The following KCNA2 variants were observed in gnomAD, a reference collection of about 807,000 sequenced individuals.
KCNA2 encodes the protein potassium voltage-gated channel subfamily A member 2.
A neutral mutation model predicts 33.4 loss-of-function variants in KCNA2; 11 were observed. That is an observed-to-expected ratio of 0.33 (90% CI 0.21 to 0.55). The LOEUF (loss-of-function observed/expected upper bound fraction) is 0.55, where lower values mean the gene tolerates loss of function less well. KCNA2 is among the 20% of genes least tolerant of loss of function. KCNA2 has a pLI of 0.93. For synonymous variants in KCNA2, 222 were observed against 231.3 expected (o/e 0.96, Z 0.37); for missense variants, 291 against 621.6 (o/e 0.47, Z 5.66).
At position 110,598,012 on chromosome 1, in the gene KCNA2, A is replaced by G. The variant is rs1275090601; in HGVS notation, c.*5271T>C. 1 of 985,262 alleles carries G rather than the reference A, an allele frequency of 1.0e-6. No individual in the cohort carries two copies. Among genetic ancestry groups the G allele is most frequent in the Admixed American group, 6.1e-5 (1 of 16,264 alleles). 61.0% of individuals were successfully genotyped at this position (985,262 alleles called of 1,614,324 possible). A position where few individuals can be genotyped will look rare whatever the true frequency, so the allele number is the denominator to read the frequency against. ...TGGACTCAACAAGGGCTAAGTCTGA[A>G]GATATAGATGATGGTCACAATAGCT... On this transcript the variant is annotated 3_prime_UTR_variant, in exon 3 of 3. Coordinates refer to ENST00000316361, the MANE Select transcript of KCNA2 (RefSeq NM_004974.4).
rs1649186648 is a variant in KCNA2, at chr1:110,598,226, T to A, written c.*5057A>T. The A allele has an allele frequency of 1.9e-6, 1 of 521,346 alleles. No individual in the cohort carries two copies. Among genetic ancestry groups the A allele is most frequent in the Non-Finnish European group, 2.5e-6 (1 of 406,140 alleles). The allele number at this position is 521,346 out of a possible 1,614,324, so 32.3% of individuals were successfully genotyped here. ...GCAGATGAGGCGGCCATCACCCACA[T>A]ACAAGTTATTATGACAATGGGCCCC... On this transcript the variant is annotated 3_prime_UTR_variant, in exon 3 of 3. Transcript: ENST00000316361.
In KCNA2 at chr1:110,595,128, A is replaced by G; in HGVS notation, c.*8155T>C. The G allele has an allele frequency of 3.0e-6, 3 of 984,892 alleles. No homozygotes were observed. The highest frequency in any genetic ancestry group is 3.6e-6 in the Non-Finnish European group (3 of 829,782). The allele number at this position is 984,892 out of a possible 1,614,324, so 61.0% of individuals were successfully genotyped here. A position where few individuals can be genotyped will look rare whatever the true frequency, so the allele number is the denominator to read the frequency against. ...CCTCTGGATAGCTACCAAGGGTCCTAGCACACAGCCACATCTACACTGCCC... is the reference window on the plus strand; with the variant it reads ...CCTCTGGATAGCTACCAAGGGTCCTGGCACACAGCCACATCTACACTGCCC... On this transcript the variant is annotated 3_prime_UTR_variant, in exon 3 of 3. Coordinates refer to ENST00000316361, the MANE Select transcript of KCNA2 (RefSeq NM_004974.4).
In KCNA2 at chr1:110,604,459, T is replaced by C. The variant is rs765790719; in HGVS notation, c.324A>G (p.Ile108Met). 2 of 1,614,170 alleles carry C rather than the reference T, an allele frequency of 1.2e-6. No individual in the cohort carries two copies. Among genetic ancestry groups the C allele is most frequent in the South Asian group, 1.1e-5 (1 of 91,076 alleles). The part of the protein sequence containing the change: ...LRRPVNVPLD[I>M]FSEEIRFYEL... ...CATAAAACCGAATTTCTTCAGAGAA[T>C]ATATCTAAGGGCACATTCACAGGTC... The change falls in exon 3 of 3, where the codon ATA (isoleucine) becomes ATG (methionine). Residue 108 changes from isoleucine (I) to methionine (M), a missense_variant. Ile to Met is a conservative substitution (Grantham distance 10). Coordinates refer to ENST00000316361, the MANE Select transcript of KCNA2 (RefSeq NM_004974.4). The surrounding 1 kb of genome is among the most constrained non-coding windows in gnomAD (Gnocchi z 7.6).
Position 110,601,315 on chromosome 1 carries a change from T to C in KCNA2, c.*1968A>G. ...CCCTTTAGGTCCAGATCAGTGGAAT[T>C]TGGTCCCAGGGAGTCCTACTCCTTG... On this transcript the variant is annotated 3_prime_UTR_variant, in exon 3 of 3. Transcript: ENST00000316361. The C allele has an allele frequency of 1.0e-6, 1 of 985,398 alleles. No individual in the cohort carries two copies. Among genetic ancestry groups the C allele is most frequent in the Non-Finnish European group, 1.2e-6 (1 of 829,910 alleles). The allele number at this position is 985,398 out of a possible 1,614,324, so 61.0% of individuals were successfully genotyped here.
chr1:110,608,541 C>T (rs528027142), upstream of KCNA2, among the ~76,000 whole-genome samples: 383 of 152,278 alleles, frequency 2.5e-3, 3 homozygotes, highest in African/African-American at 8.9e-3. Context: ...CGGATTCTGG[C>T]GTTTCATCGT....
At chr1:110,628,880 T>C (rs1650471206) in intron 1 of KCNA2, among the ~76,000 whole-genome samples, 1 of 152,108 alleles carries the variant, frequency 6.6e-6, no homozygotes, top group South Asian at 2.1e-4. Flanking sequence ...GATTGTTTAT[T>C]GAATACATGG....
Position 110,599,134 on chromosome 1 carries a change from G to A in KCNA2, c.*4149C>T, listed in dbSNP as rs551962859. ...ACTGGAAGGGAGAGTGAGACACAACGGGATGGCTGCAGGAGCAGAAATCAG... is the reference window on the plus strand; with the variant it reads ...ACTGGAAGGGAGAGTGAGACACAACAGGATGGCTGCAGGAGCAGAAATCAG... On this transcript the variant is annotated 3_prime_UTR_variant, in exon 3 of 3. Coordinates refer to ENST00000316361, the MANE Select transcript of KCNA2 (RefSeq NM_004974.4). The A allele has an allele frequency of 3.2e-4, 313 of 985,426 alleles. 1 individual carries two copies. Among genetic ancestry groups the A allele is most frequent in the Middle Eastern group, 2.6e-3 (5 of 1,914 alleles). The allele number at this position is 985,426 out of a possible 1,614,324, so 61.0% of individuals were successfully genotyped here. A position where few individuals can be genotyped will look rare whatever the true frequency, so the allele number is the denominator to read the frequency against.
intron 1 of KCNA2, among the ~76,000 whole-genome samples, chr1:110,617,222 C>A (rs896455058): frequency 1.3e-5 from 2 of 152,216 alleles, no homozygotes; most frequent in Non-Finnish European, 2.9e-5. Context: ...GAGCTTAATA[C>A]ATATTTGTGA....
rs1048604300 is a variant in KCNA2, at chr1:110,595,377, T to C, written c.*7906A>G. On this transcript the variant is annotated 3_prime_UTR_variant, in exon 3 of 3. Coordinates refer to ENST00000316361, the MANE Select transcript of KCNA2 (RefSeq NM_004974.4). ...AGACAGGCCACCTCAACTGCCTCAG[T>C]GCACCAGCTGGTCATGTCAAGTCTG... is the stretch of plus-strand genomic sequence containing the variant. 8.1e-6 allele frequency: 8 copies of C among 985,300 alleles called. 1 individual carries two copies. The African/African-American group carries it at 1.2e-4, about 15-fold the overall frequency. The allele number at this position is 985,300 out of a possible 1,614,324, so 61.0% of individuals were successfully genotyped here. A position where few individuals can be genotyped will look rare whatever the true frequency, so the allele number is the denominator to read the frequency against.
chr1:110,615,182 C>G (rs572687530), intron 1 of KCNA2, among the ~76,000 whole-genome samples: 1 of 152,138 alleles, frequency 6.6e-6, no homozygotes, highest in Non-Finnish European at 1.5e-5. Context: ...CTAAGGCACC[C>G]AAAGGCGACC....
rs1649263937 is a variant in KCNA2 at position 110,599,921 on chromosome 1, T to C, written c.*3362A>G. The stretch of plus-strand genomic sequence containing the variant: ...TCACACCCTGCACCCAGGTTTCTGG[T>C]GGGAGGAAGGTGAATTGGTAGAGAC... On this transcript the variant is annotated 3_prime_UTR_variant, in exon 3 of 3. Transcript: ENST00000316361. The C allele has an allele frequency of 3.0e-6, 3 of 985,180 alleles. No homozygotes were observed. The highest frequency in any genetic ancestry group is 4.7e-5 in the South Asian group (1 of 21,270). 61.0% of individuals were successfully genotyped at this position (985,180 alleles called of 1,614,324 possible).
Position 110,600,742 on chromosome 1 carries a change from A to C in KCNA2, c.*2541T>G. The C allele has an allele frequency of 1.0e-6, 1 of 985,446 alleles. No homozygotes were observed. Among genetic ancestry groups the C allele is most frequent in the South Asian group, 4.7e-5 (1 of 21,290 alleles). The allele number at this position is 985,446 out of a possible 1,614,324, so 61.0% of individuals were successfully genotyped here. A position where few individuals can be genotyped will look rare whatever the true frequency, so the allele number is the denominator to read the frequency against. On this transcript the variant is annotated 3_prime_UTR_variant, in exon 3 of 3. Coordinates refer to ENST00000316361, the MANE Select transcript of KCNA2 (RefSeq NM_004974.4). ...GTGTCCCTCCCACCCCATGCCTTGG[A>C]AATTCAGCACCACCTCCCATGAAGG...
intron 1 of KCNA2, among the ~76,000 whole-genome samples, chr1:110,618,635 T>G (rs1197011100): frequency 6.6e-6 from 1 of 152,088 alleles, no homozygotes; most frequent in Admixed American, 6.5e-5. Context: ...GCACCGAACA[T>G]CATGACTTAG....
Position 110,620,137 on chromosome 1 carries a change from C to G in KCNA2, c.-496+11258G>C, listed in dbSNP as rs538565738. Among the ~76,000 whole-genome samples, 4 of 151,804 alleles carry G rather than the reference C, an allele frequency of 2.6e-5. No individual in the cohort carries two copies. The East Asian group carries it at 7.8e-4, about 30-fold the overall frequency. On this transcript the variant is annotated intron_variant, in intron 1 of 4. Coordinates refer to the KCNA2 transcript ENST00000369770. ...TTTGGTGGGTAAGACTTCTCAGCCC[C>G]CAGACCAAATTGGATATCCCTAACA...
Position 110,598,723 on chromosome 1 carries a change from C to A in KCNA2, c.*4560G>T. On this transcript the variant is annotated 3_prime_UTR_variant, in exon 3 of 3. Transcript: ENST00000316361. ...CCTCATGGTGACATGCCAACACTAG[C>A]CTCAGAAACACAGGTGAGAGGGACA... 1 of 985,298 alleles carries A rather than the reference C, an allele frequency of 1.0e-6. No homozygotes were observed. The highest frequency in any genetic ancestry group is 1.2e-6 in the Non-Finnish European group (1 of 829,910). 61.0% of individuals were successfully genotyped at this position (985,298 alleles called of 1,614,324 possible).
At chr1:110,622,606 C>T (rs1276387520) in intron 1 of KCNA2, among the ~76,000 whole-genome samples, 1 of 151,876 alleles carries the variant, frequency 6.6e-6, no homozygotes, top group Non-Finnish European at 1.5e-5. Flanking sequence ...TGGAATCTAC[C>T]AAAAGAGCTA....
At chr1:110,622,043 C>T (rs555912667) in intron 1 of KCNA2, among the ~76,000 whole-genome samples, 2 of 152,212 alleles carry the variant, frequency 1.3e-5, no homozygotes, top group East Asian at 3.9e-4. Context: ...ACAAAAACAT[C>T]ACCAGTAAAG....
In KCNA2 at chr1:110,606,342, G is replaced by C. The variant is rs1374407678; in HGVS notation, c.-610C>G. On this transcript the variant is annotated 5_prime_UTR_variant, in exon 1 of 3. Transcript: ENST00000316361. Reference sequence around the variant, plus strand: ...AAGAGAAAATCCCTCACATCTCCTCGGCAGGGAGCACAGAATAAACGCTCC... The same window carrying C: ...AAGAGAAAATCCCTCACATCTCCTCCGCAGGGAGCACAGAATAAACGCTCC... The C allele has an allele frequency of 6.6e-6, 1 of 152,202 alleles. No homozygotes were observed. The highest frequency in any genetic ancestry group is 6.5e-5 in the Admixed American group (1 of 15,284). The allele number at this position is 152,202 out of a possible 1,614,324, so 9.4% of individuals were successfully genotyped here.
At chr1:110,616,255 C>T (rs1570762997) in intron 1 of KCNA2, among the ~76,000 whole-genome samples, 3 of 152,230 alleles carry the variant, frequency 2.0e-5, no homozygotes, top group Admixed American at 2.0e-4. Flanking sequence ...CCAGGCTTCA[C>T]TTCCTGAGAT....
Sources: gnomAD v4.1 joint callset for allele counts (sites outside exome capture counted in the v4.1 genomes callset) on GRCh38, gnomAD v4.1.1 for gene constraint, Gnocchi (gnomAD v3.1) non-coding constraint, MANE v1.5 for transcripts, NCBI Gene and HGNC (gene_info 2026-07-23, HGNC 2026-07-21) for gene names.